Variants in VPS37C observed in about 807,000 individuals in gnomAD.
The protein encoded by VPS37C is vacuolar protein sorting-associated protein 37C.
VPS37C carries 9 observed loss-of-function variants against 16.1 expected under a neutral mutation model. The ratio of observed to expected loss-of-function variants is 0.56; its 90% CI spans 0.34 to 0.97. The LOEUF (loss-of-function observed/expected upper bound fraction) is 0.97, where lower values mean the gene tolerates loss of function less well. Ranked by LOEUF, VPS37C falls within the 50% of genes least tolerant of loss-of-function variation. The pLI is 0.02. For synonymous variants in VPS37C, 207 were observed against 206.4 expected, an observed-to-expected ratio of 1.00 and a Z score of -0.02; for missense variants, 479 against 472.7, an observed-to-expected ratio of 1.01 and a Z score of -0.12.
intron 1 of VPS37C, among the ~76,000 whole-genome samples, chr11:61,140,930 G>C (rs1861463665): frequency 6.6e-6 from 1 of 152,214 alleles, no homozygotes; most frequent in Admixed American, 6.5e-5. Context: ...CCAGAGCCAG[G>C]TCGGACACGG....
chr11:61,144,228 C>G (rs1193438725), intron 1 of VPS37C: 2 of 152,344 alleles, frequency 1.3e-5, no homozygotes, highest in South Asian at 2.1e-4. Flanking sequence ...CTCGGCCTCC[C>G]AAAGTGCTGG....
chr11:61,149,670 G>A (rs1853268266), intron 1 of VPS37C, among the ~76,000 whole-genome samples: 1 of 152,182 alleles, frequency 6.6e-6, no homozygotes, highest in African/African-American at 2.4e-5. Flanking sequence ...AACCAATCTA[G>A]ACAAGAGTCC....
At chr11:61,146,843 T>C (rs367935599) in intron 1 of VPS37C, among the ~76,000 whole-genome samples, 57 of 152,190 alleles carry the variant, frequency 3.7e-4, no homozygotes, top group East Asian at 3.3e-3. Flanking sequence ...TCTCTGCAGT[T>C]TTCACCCCCA....
intron 1 of VPS37C, among the ~76,000 whole-genome samples, chr11:61,139,536 G>C (rs1329634348): frequency 2.6e-5 from 4 of 152,116 alleles, no homozygotes; most frequent in African/African-American, 9.7e-5. Flanking sequence ...TTGACAGAGA[G>C]CTAGTGTCAG....
intron 1 of VPS37C, among the ~76,000 whole-genome samples, chr11:61,149,643 G>A (rs1329669821): frequency 1.3e-5 from 2 of 152,210 alleles, no homozygotes; most frequent in African/African-American, 2.4e-5. Context: ...AAAGGATGTG[G>A]CTCCAAACAA....
At chr11:61,136,290 C>T (rs893680728) in intron 2 of VPS37C, among the ~76,000 whole-genome samples, 1 of 151,628 alleles carries the variant, frequency 6.6e-6, no homozygotes, top group African/African-American at 2.4e-5. Flanking sequence ...CTCAGCCTCC[C>T]TTGCTCCCTT....
chr11:61,146,706 G>C (rs1232381543), intron 1 of VPS37C, among the ~76,000 whole-genome samples: 1 of 152,242 alleles, frequency 6.6e-6, no homozygotes, highest in Non-Finnish European at 1.5e-5. Flanking sequence ...AGGTGAGAAA[G>C]CTATGCGTGA....
At chr11:61,134,242 G>T in intron 2 of VPS37C, 35 bp from the exon 3 acceptor site, 2 of 1,591,916 alleles carry the variant, frequency 1.3e-6, no homozygotes, top group Non-Finnish European at 8.6e-7. Flanking sequence ...TAAGGAAAAC[G>T]TCCATCACCC....
At chr11:61,147,509 A>G (rs1420809431) in intron 1 of VPS37C, among the ~76,000 whole-genome samples, 1 of 152,136 alleles carries the variant, frequency 6.6e-6, no homozygotes, top group African/African-American at 2.4e-5. Context: ...CAAGGAGGCC[A>G]CAGAACTTCC....
chr11:61,159,564 G>A (rs1258189160), intron 1 of VPS37C, among the ~76,000 whole-genome samples: 2 of 152,040 alleles, frequency 1.3e-5, no homozygotes, highest in South Asian at 2.1e-4. Flanking sequence ...GGAGGCCAAA[G>A]CGGGTGGATC....
chr11:61,133,690 T>G (rs2134627437), intron 3 of VPS37C, among the ~76,000 whole-genome samples: 1 of 152,222 alleles, frequency 6.6e-6, no homozygotes, highest in South Asian at 2.1e-4. Flanking sequence ...CCTCCCACCT[T>G]CAAAGGTGAC....
chr11:61,146,460 TGAG>T (rs1853208132), intron 1 of VPS37C, among the ~76,000 whole-genome samples: 1 of 150,762 alleles, frequency 6.6e-6, no homozygotes, highest in African/African-American at 2.4e-5. Context: ...ACCAACAGAG[TGAG>T]GAGGAGAGAT....
intron 2 of VPS37C, among the ~76,000 whole-genome samples, chr11:61,134,425 G>A (rs1376769864): frequency 6.6e-6 from 1 of 152,212 alleles, no homozygotes; most frequent in African/African-American, 2.4e-5. Flanking sequence ...AGCCCACGAG[G>A]TGGAGACGCA....
intron 1 of VPS37C, among the ~76,000 whole-genome samples, chr11:61,160,714 C>T (rs570526354): frequency 2.6e-5 from 4 of 152,178 alleles, no homozygotes; most frequent in South Asian, 4.1e-4. Context: ...TTCTCCCATC[C>T]GTAAAGTGGG....
intron 1 of VPS37C, among the ~76,000 whole-genome samples, chr11:61,149,879 G>A (rs1447339039): frequency 6.6e-6 from 1 of 152,174 alleles, no homozygotes; most frequent in Non-Finnish European, 1.5e-5. Context: ...CCCATTCACT[G>A]TGCCAAATGG....
chr11:61,151,121 C>T (rs1162659250), intron 1 of VPS37C, among the ~76,000 whole-genome samples: 2 of 152,210 alleles, frequency 1.3e-5, no homozygotes, highest in African/African-American at 2.4e-5. Context: ...TCACGGCCCA[C>T]GCGCCTCACT....
intron 1 of VPS37C, 163 bp downstream of exon 1, chr11:61,161,228 C>T (rs1299623354): frequency 6.6e-6 from 1 of 152,136 alleles, no homozygotes; most frequent in Non-Finnish European, 1.5e-5. Context: ...GGCGCCGGCC[C>T]CCGGCGAGAG....
chr11:61,158,543 CA>C (rs1853414645), intron 1 of VPS37C, among the ~76,000 whole-genome samples: 1 of 152,124 alleles, frequency 6.6e-6, no homozygotes, highest in Non-Finnish European at 1.5e-5. Flanking sequence ...CAGTGTTTAC[CA>C]GATAGGAGAA....
chr11:61,143,467 TC>T (rs1160258258), intron 1 of VPS37C: 2 of 141,044 alleles, frequency 1.4e-5, no homozygotes, highest in African/African-American at 5.2e-5. Flanking sequence ...AACCTCTACC[TC>T]CCGGGTTCAA....
Sources: gnomAD v4.1 joint callset for allele counts (sites outside exome capture counted in the v4.1 genomes callset) on GRCh38, gnomAD v4.1.1 for gene constraint, MANE v1.5 for transcripts, NCBI Gene and HGNC (gene_info 2026-07-23, HGNC 2026-07-21) for gene names.